Variants in MDFIC observed in about 807,000 individuals in gnomAD.
MDFIC encodes MyoD family inhibitor domain containing.
MDFIC carries 17 observed loss-of-function variants against 23.2 expected under a neutral mutation model. The ratio of observed to expected loss-of-function variants is 0.73; its 90% CI spans 0.50 to 1.10. The LOEUF (loss-of-function observed/expected upper bound fraction) is 1.10. Ranked by LOEUF, MDFIC falls within the 50% of genes least tolerant of loss-of-function variation. MDFIC has a pLI of 0.00. For synonymous variants in MDFIC, 120 were observed against 115.2 expected (o/e 1.04, Z -0.27); for missense variants, 356 against 316.6 (o/e 1.12, Z -0.95).
intron 3 of MDFIC, among the ~76,000 whole-genome samples, chr7:114,960,660 T>G (rs1241887624): frequency 6.6e-6 from 1 of 152,180 alleles, no homozygotes; most frequent in Admixed American, 6.5e-5. Flanking sequence ...GACACTCAGA[T>G]TTAATAAGTG....
At chr7:114,977,519 C>T (rs542259275) in intron 3 of MDFIC, among the ~76,000 whole-genome samples, 1 of 152,234 alleles carries the variant, frequency 6.6e-6, no homozygotes, top group African/African-American at 2.4e-5. Flanking sequence ...TAACAGCTTG[C>T]ATTGATCACT....
intron 4 of MDFIC, among the ~76,000 whole-genome samples, chr7:114,995,813 G>T (rs952943201): frequency 1.3e-5 from 2 of 152,194 alleles, no homozygotes; most frequent in African/African-American, 4.8e-5. Context: ...TGAGGAGGCA[G>T]TCTGTCCGTT....
chr7:114,943,032 A>G (rs1489309757), intron 3 of MDFIC, among the ~76,000 whole-genome samples: 2 of 152,158 alleles, frequency 1.3e-5, no homozygotes, highest in African/African-American at 2.4e-5. Flanking sequence ...AATTTGCCAT[A>G]CAATGAATTA....
chr7:114,960,000 A>G (rs1032812657), intron 3 of MDFIC, among the ~76,000 whole-genome samples: 8 of 152,122 alleles, frequency 5.3e-5, no homozygotes, highest in African/African-American at 1.7e-4. Context: ...GTGAAAGACT[A>G]TATGCACCTA....
intron 4 of MDFIC, 38 bp from the exon 5 acceptor site, chr7:115,015,650 T>A: frequency 6.3e-7 from 1 of 1,593,118 alleles, no homozygotes; most frequent in Non-Finnish European, 8.6e-7. Context: ...GTTCCTCCTT[T>A]TTCTCACTAT....
chr7:114,941,766 G>A (rs1276083341), intron 2 of MDFIC, among the ~76,000 whole-genome samples: 2 of 152,118 alleles, frequency 1.3e-5, no homozygotes, highest in African/African-American at 4.8e-5. Flanking sequence ...CTCAGAGGAT[G>A]CATTACACAG....
chr7:114,983,924 A>T (rs1793463649), intron 4 of MDFIC, among the ~76,000 whole-genome samples: 5 of 152,026 alleles, frequency 3.3e-5, no homozygotes. Flanking sequence ...TAGTCCTCCC[A>T]ACAACGCTGC....
At chr7:114,937,146 G>T (rs994022569) in intron 2 of MDFIC, among the ~76,000 whole-genome samples, 12 of 151,978 alleles carry the variant, frequency 7.9e-5, no homozygotes, top group African/African-American at 2.7e-4. Flanking sequence ...AAATTAAATG[G>T]AAATTCTATT....
At chr7:114,978,746 G>T (rs988671770) in intron 3 of MDFIC, among the ~76,000 whole-genome samples, 6 of 151,858 alleles carry the variant, frequency 4.0e-5, no homozygotes, top group Non-Finnish European at 8.8e-5. Flanking sequence ...CAAAAATTTT[G>T]TTCATTCCTG....
chr7:114,987,395 A>G (rs939522690), intron 4 of MDFIC, among the ~76,000 whole-genome samples: 1 of 152,224 alleles, frequency 6.6e-6, no homozygotes, highest in African/African-American at 2.4e-5. Flanking sequence ...AGCTCATGAT[A>G]TGACCATAAA....
intron 3 of MDFIC, 62 bp downstream of exon 3, chr7:114,942,459 C>G (rs542426337): frequency 8.0e-7 from 1 of 1,246,850 alleles, no homozygotes; most frequent in Admixed American, 2.6e-5. Context: ...ATATATTCTT[C>G]GTTAATTGCC....
chr7:114,985,469 T>G (rs1467380684), intron 4 of MDFIC, among the ~76,000 whole-genome samples: 1 of 150,952 alleles, frequency 6.6e-6, no homozygotes, highest in Non-Finnish European at 1.5e-5. Flanking sequence ...TTTTTTCTTT[T>G]CTCTCTCTCT....
chr7:114,982,607 A>G (rs1364506126), intron 4 of MDFIC, among the ~76,000 whole-genome samples: 1 of 152,096 alleles, frequency 6.6e-6, no homozygotes, highest in Non-Finnish European at 1.5e-5. Context: ...AGGTGGGAGG[A>G]CCATCTGAGC....
chr7:114,939,990 C>G (rs1486647907), intron 2 of MDFIC, among the ~76,000 whole-genome samples: 1 of 152,066 alleles, frequency 6.6e-6, no homozygotes, highest in East Asian at 1.9e-4. Context: ...TGAAAAATCT[C>G]TTTTATTGAT....
chr7:114,928,012 G>A (rs574078517), intron 2 of MDFIC, among the ~76,000 whole-genome samples: 1 of 152,268 alleles, frequency 6.6e-6, no homozygotes, highest in South Asian at 2.1e-4. Context: ...AGAAGGGCAT[G>A]TAGATTTGAA....
intron 3 of MDFIC, among the ~76,000 whole-genome samples, chr7:114,976,889 C>T (rs765542876): frequency 2.6e-5 from 4 of 151,814 alleles, no homozygotes; most frequent in East Asian, 1.9e-4. Context: ...TCAAGTCTTA[C>T]GTAGTCACCA....
chr7:114,964,631 A>G (rs1385025402), intron 3 of MDFIC, among the ~76,000 whole-genome samples: 1 of 151,162 alleles, frequency 6.6e-6, no homozygotes, highest in Non-Finnish European at 1.5e-5. Flanking sequence ...GCTCACTGCA[A>G]CCTCCGCCTC....
intron 4 of MDFIC, among the ~76,000 whole-genome samples, chr7:115,009,607 A>G (rs1791641013): frequency 6.6e-6 from 1 of 152,220 alleles, no homozygotes; most frequent in Non-Finnish European, 1.5e-5. Flanking sequence ...TCCTGGGATC[A>G]GTCACAGACA....
At chr7:114,985,601 C>T (rs1476755299) in intron 4 of MDFIC, among the ~76,000 whole-genome samples, 2 of 151,662 alleles carry the variant, frequency 1.3e-5, no homozygotes, top group Non-Finnish European at 2.9e-5. Flanking sequence ...AAGCCTAGTG[C>T]CTACTGGTTA....
Sources: allele counts gnomAD v4.1 joint callset (sites outside exome capture counted in the v4.1 genomes callset), GRCh38; gene constraint gnomAD v4.1.1; transcripts MANE v1.5; gene names NCBI Gene and HGNC (gene_info 2026-07-23, HGNC 2026-07-21).